DAB1: variants seen among roughly 807,000 people sequenced by gnomAD.
The protein encoded by DAB1 is DAB adaptor protein 1.
In DAB1, 15 loss-of-function variants were observed where a neutral mutation model predicts 64.6. The observed-to-expected ratio is 0.23, with a 90% CI of 0.16 to 0.36. The LOEUF is 0.36. Ranked by LOEUF, DAB1 falls within the 10% of genes least tolerant of loss-of-function variation. The pLI is 1.00. For synonymous variants in DAB1, 235 were observed against 251.9 expected (o/e 0.93, Z 0.64); for missense variants, 596 against 706.7 (o/e 0.84, Z 1.78).
chr1:57,098,496 G>A (rs1014799196), intron 4 of DAB1, among the ~76,000 whole-genome samples: 2 of 152,126 alleles, frequency 1.3e-5, no homozygotes, highest in Non-Finnish European at 2.9e-5. Flanking sequence ...GAGGGCAGAA[G>A]GAGTGAATTG....
chr1:57,237,897 A>T (rs2764663), intron 2 of DAB1, among the ~76,000 whole-genome samples: 2 of 151,852 alleles, frequency 1.3e-5, no homozygotes, highest in Admixed American at 1.3e-4. Context: ...TATGGACATA[A>T]AATTAATGGA....
chr1:57,422,685 C>A (rs1024892966), intron 1 of DAB1, among the ~76,000 whole-genome samples: 5 of 152,148 alleles, frequency 3.3e-5, no homozygotes, highest in African/African-American at 1.2e-4. Flanking sequence ...AGTGCCCCAG[C>A]AGACCCCCAA....
At chr1:57,546,831 A>C (rs1163501571) in intron 7 of DAB1, among the ~76,000 whole-genome samples, 1 of 152,192 alleles carries the variant, frequency 6.6e-6, no homozygotes, top group Non-Finnish European at 1.5e-5. Context: ...CCCTGTCATT[A>C]AGCAATGCAT....
chr1:57,142,870 A>T (rs1322700179), intron 3 of DAB1, among the ~76,000 whole-genome samples: 1 of 152,070 alleles, frequency 6.6e-6, no homozygotes, highest in East Asian at 1.9e-4. Context: ...GTGGCTCTGG[A>T]TGAGAACCAG....
intron 10 of DAB1, among the ~76,000 whole-genome samples, chr1:57,024,568 G>A (rs1646725444): frequency 6.6e-6 from 1 of 152,126 alleles, no homozygotes; most frequent in African/African-American, 2.4e-5. Flanking sequence ...ATTGTTCTGA[G>A]GATTATTAAA....
At chr1:58,541,614 C>CAAAAAAAAAAAAAAAAAAA (rs60360589) in intron 1 of DAB1, 1 of 65,622 alleles carries the variant, frequency 1.5e-5, no homozygotes, top group Non-Finnish European at 2.7e-5. Context: ...GAGAACCTGT[C>CAAAAAAAAAAAAAAAAAAA]AAAAAAAAAA....
chr1:58,383,196 T>C (rs1644404858), intron 3 of DAB1, among the ~76,000 whole-genome samples: 2 of 151,512 alleles, frequency 1.3e-5, no homozygotes, highest in South Asian at 4.1e-4. Context: ...GCCCTTTTTA[T>C]ATAGATAAAC....
chr1:58,311,439 T>A (rs561035895), intron 4 of DAB1, among the ~76,000 whole-genome samples: 1 of 152,270 alleles, frequency 6.6e-6, no homozygotes, highest in African/African-American at 2.4e-5. Flanking sequence ...TACTGAAGAT[T>A]TGCTTGAGGC....
At chr1:57,685,377 C>T (rs1321564600) in intron 6 of DAB1, among the ~76,000 whole-genome samples, 1 of 152,038 alleles carries the variant, frequency 6.6e-6, no homozygotes, top group African/African-American at 2.4e-5. Flanking sequence ...CCTAAATATA[C>T]ATGCACTCAA....
At chr1:57,884,631 T>C (rs1644195818), upstream of DAB1, among the ~76,000 whole-genome samples, 1 of 152,226 alleles carries the variant, frequency 6.6e-6, no homozygotes, top group African/African-American at 2.4e-5. Context: ...TTGTACAATT[T>C]TACATGCTCT....
chr1:57,715,875 G>A (rs540529295), intron 6 of DAB1, among the ~76,000 whole-genome samples: 31 of 152,262 alleles, frequency 2.0e-4, no homozygotes, highest in African/African-American at 7.0e-4. Flanking sequence ...TCAATCTACA[G>A]ACTCAATGCA....
At chr1:57,084,184 C>A (rs1334091116) in intron 4 of DAB1, among the ~76,000 whole-genome samples, 1 of 152,138 alleles carries the variant, frequency 6.6e-6, no homozygotes, top group Non-Finnish European at 1.5e-5. Flanking sequence ...TACAGGGTGG[C>A]CCACTGATTC....
chr1:58,428,857 C>T (rs971324222), intron 3 of DAB1, among the ~76,000 whole-genome samples: 2 of 151,940 alleles, frequency 1.3e-5, no homozygotes, highest in Non-Finnish European at 2.9e-5. Flanking sequence ...ATAAATAACA[C>T]AAAAAGAATA....
At chr1:57,592,677 A>T (rs1645459090) in intron 7 of DAB1, among the ~76,000 whole-genome samples, 1 of 152,192 alleles carries the variant, frequency 6.6e-6, no homozygotes, top group South Asian at 2.1e-4. Flanking sequence ...TTAATGGCAA[A>T]AACCACAATT....
intron 2 of DAB1, among the ~76,000 whole-genome samples, chr1:57,255,169 T>C (rs907633953): frequency 3.3e-5 from 5 of 152,204 alleles, no homozygotes; most frequent in African/African-American, 1.2e-4. Context: ...AGTGGACAAC[T>C]CACTGCTTCT....
chr1:57,045,856 T>G (rs1451893349), intron 9 of DAB1, among the ~76,000 whole-genome samples: 4 of 152,198 alleles, frequency 2.6e-5, no homozygotes, highest in African/African-American at 9.7e-5. Flanking sequence ...ACAGAACTTC[T>G]ATGATAGGCA....
chr1:58,384,937 C>T (rs1644420921), intron 3 of DAB1, among the ~76,000 whole-genome samples: 1 of 151,324 alleles, frequency 6.6e-6, no homozygotes, highest in African/African-American at 2.4e-5. Context: ...ATGACTCTGC[C>T]TCTTAGTCCA....
chr1:57,136,671 T>TC, intron 3 of DAB1, 30 bp from the exon 4 acceptor site: 3 of 1,450,844 alleles, frequency 2.1e-6, no homozygotes, highest in Non-Finnish European at 2.8e-6. Flanking sequence ...GGTTTTTACT[T>TC]AAGTGTTTTC....
chr1:58,342,046 C>CAAGA (rs1388126567), intron 4 of DAB1, among the ~76,000 whole-genome samples: 1 of 152,148 alleles, frequency 6.6e-6, no homozygotes, highest in Non-Finnish European at 1.5e-5. Flanking sequence ...GCCTTGGCCT[C>CAAGA]ACAACTTCCA....
Sources: allele counts gnomAD v4.1 joint callset (sites outside exome capture counted in the v4.1 genomes callset), GRCh38; gene constraint gnomAD v4.1.1; transcripts MANE v1.5; gene names NCBI Gene and HGNC (gene_info 2026-07-23, HGNC 2026-07-21).